Variants in ATG2B observed in about 807,000 individuals in gnomAD.
The protein encoded by ATG2B is autophagy-related protein 2 homolog B.
In ATG2B, 121 loss-of-function variants were observed where a neutral mutation model predicts 241.3. The ratio of observed to expected loss-of-function variants is 0.50; its 90% confidence interval spans 0.43 to 0.58. The LOEUF is 0.58. Ranked by LOEUF, ATG2B falls within the 20% of genes least tolerant of loss-of-function variation. ATG2B has a pLI of 0.00. For synonymous variants in ATG2B, 858 were observed against 876.6 expected, an observed-to-expected ratio of 0.98 and a Z score of 0.37; for missense variants, 2,306 against 2,491.6, an observed-to-expected ratio of 0.93 and a Z score of 1.59.
Position 96,345,404 on chromosome 14 carries a change from A to G in ATG2B, c.326-19T>C. Reference sequence around the variant, plus strand: ...CCAGTTGCTGTGGAAAATATAAATTAATCCTAAATAATTTCTTAAGAGTTA... The same window carrying G: ...CCAGTTGCTGTGGAAAATATAAATTGATCCTAAATAATTTCTTAAGAGTTA... On this transcript the variant is annotated intron_variant, in intron 2 of 41. Coordinates refer to ENST00000359933, the MANE Select transcript of ATG2B (RefSeq NM_018036.7). 1 of 1,561,144 alleles carries G rather than the reference A, an allele frequency of 6.4e-7. No individual in the cohort carries two copies. Among genetic ancestry groups the G allele is most frequent in the East Asian group, 2.3e-5 (1 of 43,154 alleles).
rs975615619 is a variant in ATG2B, at chr14:96,322,103, T to A, written c.2879+9A>T. On this transcript the variant is annotated intron_variant, in intron 18 of 41. Transcript: ENST00000359933. ...TTCCAAAGATTCAACTAAATGTGTATAAACTCACCTATTATAAAGCTTCTC... is the reference window on the plus strand; with the variant it reads ...TTCCAAAGATTCAACTAAATGTGTAAAAACTCACCTATTATAAAGCTTCTC... 6.6e-7 allele frequency: 1 copy of A among 1,519,584 alleles called. No individual in the cohort carries two copies. The highest frequency in any genetic ancestry group is 8.8e-7 in the Non-Finnish European group (1 of 1,139,880). 94.1% of individuals were successfully genotyped at this position (1,519,584 alleles called of 1,614,324 possible). A position where few individuals can be genotyped will look rare whatever the true frequency, so the allele number is the denominator to read the frequency against.
intron 23 of ATG2B, among the ~76,000 whole-genome samples, chr14:96,314,556 G>A (rs2139862260): frequency 6.6e-6 from 1 of 152,084 alleles, no homozygotes; most frequent in East Asian, 1.9e-4. Context: ...TACAAGTCCT[G>A]GGATACAGAG....
chr14:96,315,882 T>G (rs1272859443), intron 21 of ATG2B, among the ~76,000 whole-genome samples: 2 of 152,158 alleles, frequency 1.3e-5, no homozygotes, highest in African/African-American at 4.8e-5. Flanking sequence ...GCTCAAAAAA[T>G]GGTAGGTTCT....
intron 1 of ATG2B, among the ~76,000 whole-genome samples, chr14:96,350,371 C>T (rs1446351657): frequency 2.0e-5 from 3 of 151,920 alleles, no homozygotes; most frequent in Non-Finnish European, 4.4e-5. Context: ...GGTTCATGTC[C>T]CAGAAAATCA....
At chr14:96,362,196 A>G (rs758677504) in intron 1 of ATG2B, among the ~76,000 whole-genome samples, 4 of 152,168 alleles carry the variant, frequency 2.6e-5, no homozygotes, top group Non-Finnish European at 5.9e-5. Context: ...GCAAAGAGGC[A>G]TAACTCAACA....
intron 5 of ATG2B, among the ~76,000 whole-genome samples, chr14:96,342,532 G>C (rs1351141280): frequency 1.3e-5 from 2 of 151,966 alleles, no homozygotes; most frequent in African/African-American, 4.8e-5. Context: ...GACCAGCCTG[G>C]CCAACGTTGC....
intron 1 of ATG2B, among the ~76,000 whole-genome samples, chr14:96,351,735 CAA>C (rs547639757): frequency 3.7e-4 from 45 of 122,510 alleles, no homozygotes; most frequent in Non-Finnish European, 4.0e-4. Context: ...GACTCCGTCT[CAA>C]AAAAAAAAAA....
Position 96,290,016 on chromosome 14 carries a change from T to C in ATG2B, c.5857-211A>G. Reference sequence around the variant, plus strand: ...TATAAATTAATAACTAACACCTGGATTGAGCTAAATTTTTAGCCCCTCCTC... The same window carrying C: ...TATAAATTAATAACTAACACCTGGACTGAGCTAAATTTTTAGCCCCTCCTC... On this transcript the variant is annotated intron_variant, in intron 40 of 41. Transcript: ENST00000359933. The surrounding 1 kb of genome is among the most constrained non-coding windows in gnomAD (Gnocchi z 4.4). The C allele has an allele frequency of 1.1e-6, 1 of 898,548 alleles. No homozygotes were observed. The highest frequency in any genetic ancestry group is 2.0e-5 in the South Asian group (1 of 49,676). The allele number at this position is 898,548 out of a possible 1,614,324, so 55.7% of individuals were successfully genotyped here.
At chr14:96,348,811 G>C (rs1888238846) in intron 1 of ATG2B, among the ~76,000 whole-genome samples, 1 of 152,156 alleles carries the variant, frequency 6.6e-6, no homozygotes, top group Non-Finnish European at 1.5e-5. Flanking sequence ...TTGAGGTGAT[G>C]CATACCCCTT....
intron 27 of ATG2B, 111 bp from the exon 28 acceptor site, chr14:96,311,398 TA>T (rs1395876619): frequency 8.2e-6 from 10 of 1,212,362 alleles, no homozygotes; most frequent in African/African-American, 1.5e-5. Flanking sequence ...TCTCGCTACA[TA>T]AAAAAAGTAT....
At position 96,323,928 on chromosome 14, in the gene ATG2B, A is replaced by C. The variant is rs1276565357; in HGVS notation, c.2508T>G (p.Asp836Glu). The C allele has an allele frequency of 6.2e-7, 1 of 1,612,174 alleles. No homozygotes were observed. Among genetic ancestry groups the C allele is most frequent in the African/African-American group, 1.3e-5 (1 of 74,926 alleles). Residue 836 changes from aspartate to glutamate, a missense_variant, in exon 16 of 42, where the codon GAT becomes GAG. By Grantham distance (45) the Asp-to-Glu change is conservative (BLOSUM62 2). This residue lies in a region of ATG2B where 1,927 missense variants were observed against 2,011.2 expected (regional missense o/e 0.96). Coordinates refer to ENST00000359933, the MANE Select transcript of ATG2B (RefSeq NM_018036.7). ...FFHVSSGVDGDTTSSDDFDWP... is the reference protein window; with the variant it reads ...FFHVSSGVDGETTSSDDFDWP... ...AGTCAAAGTCATCTGACGATGTTGTATCTCCATCTACTCCACTAGACACAT... is the reference window on the plus strand; with the variant it reads ...AGTCAAAGTCATCTGACGATGTTGTCTCTCCATCTACTCCACTAGACACAT...
At chr14:96,315,283 T>A in intron 22 of ATG2B, 49 bp from the exon 23 acceptor site, 2 of 1,588,556 alleles carry the variant, frequency 1.3e-6, no homozygotes, top group Non-Finnish European at 1.7e-6. Context: ...TGTAATCCTA[T>A]AACTCAAAAG....
chr14:96,317,524 A>G lies in ATG2B; in HGVS notation c.3037+174T>C, dbSNP rs141153679. On this transcript the variant is annotated intron_variant, in intron 19 of 41. Transcript: ENST00000359933. ...AAGAGAACATATTTAAGTGATAATGATATTCTCAATATACAGATAGAAATA... is the reference window on the plus strand; with the variant it reads ...AAGAGAACATATTTAAGTGATAATGGTATTCTCAATATACAGATAGAAATA... 5.3e-3 allele frequency among the ~76,000 whole-genome samples: 803 copies of G among 152,358 alleles called. 3 individuals carry two copies. Among genetic ancestry groups the G allele is most frequent in the Non-Finnish European group, 7.9e-3 (535 of 68,036 alleles).
chr14:96,349,281 T>C (rs1888251397), intron 1 of ATG2B, among the ~76,000 whole-genome samples: 2 of 152,250 alleles, frequency 1.3e-5, no homozygotes, highest in African/African-American at 2.4e-5. Context: ...GGCTTCAGTG[T>C]GCCAGGGCGA....
At chr14:96,325,949 C>T in intron 14 of ATG2B, 27 bp from the exon 15 acceptor site, 1 of 1,599,006 alleles carries the variant, frequency 6.3e-7, no homozygotes, top group Non-Finnish European at 8.5e-7. Flanking sequence ...CAAAAATATG[C>T]CAAAATATTA....
At chr14:96,334,247 A>C (rs1887813755) in intron 7 of ATG2B, among the ~76,000 whole-genome samples, 158 bp downstream of exon 7, 2 of 152,256 alleles carry the variant, frequency 1.3e-5, no homozygotes, top group African/African-American at 4.8e-5. Flanking sequence ...CATTCAAAAC[A>C]CCCAATCAAA....
At chr14:96,317,035 C>T in intron 20 of ATG2B, 110 bp downstream of exon 20, 1 of 1,090,424 alleles carries the variant, frequency 9.2e-7, no homozygotes. Flanking sequence ...TTCATCAGTC[C>T]CTGAAACAAC....
At chr14:96,350,610 T>C (rs567228951) in intron 1 of ATG2B, among the ~76,000 whole-genome samples, 27 of 152,356 alleles carry the variant, frequency 1.8e-4, no homozygotes, top group Non-Finnish European at 5.9e-5. Flanking sequence ...AAATAACATA[T>C]TTATTAAACG....
Position 96,325,833 on chromosome 14 carries a change from G to A in ATG2B, c.2253C>T (p.Asn751=). Residue 751 remains asparagine (N), a synonymous_variant, in exon 15 of 42, where the codon AAC becomes AAT. Coordinates refer to ENST00000359933, the MANE Select transcript of ATG2B (RefSeq NM_018036.7). ...CAGGTATTGGGAAGCGAACAGAAAG[G>A]TTTAATGCTGGTGTGGCAACTTGTA... ...ISVQVATPAL[N]LSVRFPIPDL... is the part of the protein sequence containing the mutation. 4.3e-6 allele frequency: 7 copies of A among 1,614,018 alleles called. No individual in the cohort carries two copies. Among genetic ancestry groups the A allele is most frequent in the Non-Finnish European group, 3.4e-6 (4 of 1,179,980 alleles).
Sources: allele counts gnomAD v4.1 joint callset (sites outside exome capture counted in the v4.1 genomes callset), GRCh38; gene constraint gnomAD v4.1.1; regional missense constraint gnomAD v4.1.1; non-coding constraint Gnocchi (gnomAD v3.1); transcripts MANE v1.5; gene names NCBI Gene and HGNC (gene_info 2026-07-23, HGNC 2026-07-21).